CCDC178: variants seen among roughly 807,000 people sequenced by gnomAD.
CCDC178 encodes coiled-coil domain-containing protein 178.
In CCDC178, 126 loss-of-function variants were observed where a neutral mutation model predicts 117.4. The observed-to-expected ratio is 1.07, with a 90% CI of 0.93 to 1.24. CCDC178 has a LOEUF of 1.24. Among genes scored for constraint, CCDC178 ranks in the 50% most tolerant of loss-of-function variants. The probability of loss-of-function intolerance (pLI) is 0.00; values close to 1 mark genes in which losing one functional copy is unlikely to be tolerated. For missense variants in CCDC178, 1,030 were observed against 986.9 expected (o/e 1.04, Z -0.59); for synonymous variants, 283 against 313.4 (o/e 0.90, Z 1.02).
At chr18:33,024,418 A>ACTGATGTCTC (rs1299182759) in intron 21 of CCDC178, among the ~76,000 whole-genome samples, 12 of 152,038 alleles carry the variant, frequency 7.9e-5, no homozygotes, top group African/African-American at 2.9e-4. Context: ...ATGCATCCAA[A>ACTGATGTCTC]TTTGTGCCTC....
chr18:33,083,928 C>G (rs866313230), intron 21 of CCDC178, among the ~76,000 whole-genome samples: 49 of 152,220 alleles, frequency 3.2e-4, no homozygotes, highest in African/African-American at 1.1e-3. Context: ...CACTCTAACG[C>G]ATTTGTGGTT....
rs377518109 is a variant in CCDC178 at position 33,397,146 on chromosome 18, T to C, written c.118+3A>G. On this transcript the variant is annotated splice_donor_region_variant and intron_variant, in intron 4 of 22. Transcript: ENST00000383096. ...AAAATTATATATAATAGCTGTTGGA[T>C]ACCTTCATTTGTCCTTGACCATGCC... 23 of 1,576,816 alleles carry C rather than the reference T, an allele frequency of 1.5e-5. No homozygotes were observed. In the African/African-American group the frequency reaches 2.3e-4, roughly 16 times the overall value.
chr18:32,994,353 G>A (rs1242189258), intron 21 of CCDC178, among the ~76,000 whole-genome samples: 1 of 152,146 alleles, frequency 6.6e-6, no homozygotes, highest in African/African-American at 2.4e-5. Context: ...GGATAATGCA[G>A]AGACAAAAGT....
chr18:33,138,440 G>C (rs938869786), intron 20 of CCDC178, among the ~76,000 whole-genome samples: 39 of 152,230 alleles, frequency 2.6e-4, no homozygotes, highest in African/African-American at 8.2e-4. Flanking sequence ...CTTTTCGTCA[G>C]TGCCGCCTCC....
chr18:33,119,510 G>A (rs1598902718), intron 20 of CCDC178, among the ~76,000 whole-genome samples: 1 of 152,066 alleles, frequency 6.6e-6, no homozygotes, highest in Non-Finnish European at 1.5e-5. Flanking sequence ...AGTTACAATG[G>A]CGATCATTAA....
Position 33,266,933 on chromosome 18 carries a change from T to C in CCDC178, c.1392A>G (p.Thr464=). The change falls in exon 14 of 23, where the codon ACA becomes ACG. Residue 464 remains threonine, a synonymous_variant. Coordinates refer to ENST00000383096, the MANE Select transcript of CCDC178 (RefSeq NM_001105528.4). ...KKLEIDINKI[T]VKTNESIRKK... ...AAATTTACCTTTCATTGGTTTTTAC[T>C]GTTATTTTGTTAATATCAATCTCAA... The C allele has an allele frequency of 6.3e-7, 1 of 1,578,098 alleles. No homozygotes were observed. The highest frequency in any genetic ancestry group is 8.6e-7 in the Non-Finnish European group (1 of 1,166,154).
At chr18:33,280,902 A>G (rs2060016825) in intron 12 of CCDC178, among the ~76,000 whole-genome samples, 1 of 152,164 alleles carries the variant, frequency 6.6e-6, no homozygotes, top group African/African-American at 2.4e-5. Flanking sequence ...GAATTGAACA[A>G]TGAGAACACA....
chr18:33,124,705 C>A (rs1187397853), intron 20 of CCDC178, among the ~76,000 whole-genome samples: 1 of 152,108 alleles, frequency 6.6e-6, no homozygotes, highest in Non-Finnish European at 1.5e-5. Context: ...AGTAATAATT[C>A]ATAATACGTG....
intron 21 of CCDC178, among the ~76,000 whole-genome samples, chr18:33,047,769 T>C (rs1473628476): frequency 6.6e-6 from 1 of 152,180 alleles, no homozygotes; most frequent in Non-Finnish European, 1.5e-5. Flanking sequence ...AAACTGGGTT[T>C]TGCCAATTTT....
chr18:33,132,984 A>G (rs1220087494), intron 20 of CCDC178, among the ~76,000 whole-genome samples: 1 of 151,834 alleles, frequency 6.6e-6, no homozygotes, highest in Non-Finnish European at 1.5e-5. Flanking sequence ...ACAAGATTCT[A>G]TTTTAAGTCT....
At chr18:33,315,691 G>C (rs1184774531) in intron 11 of CCDC178, among the ~76,000 whole-genome samples, 3 of 152,164 alleles carry the variant, frequency 2.0e-5, no homozygotes, top group Non-Finnish European at 4.4e-5. Context: ...CATTTTGACT[G>C]GGGGCTAGGA....
intron 22 of CCDC178, among the ~76,000 whole-genome samples, chr18:32,947,165 A>C (rs1207981853): frequency 6.6e-6 from 1 of 152,340 alleles, no homozygotes; most frequent in East Asian, 1.9e-4. Context: ...GGTATGTACA[A>C]CCAGGAACAT....
intron 5 of CCDC178, among the ~76,000 whole-genome samples, chr18:33,380,081 G>A (rs1165364304): frequency 6.6e-6 from 1 of 152,162 alleles, no homozygotes; most frequent in Non-Finnish European, 1.5e-5. Context: ...GTGGAGTGCA[G>A]AGGGTCCTGC....
In CCDC178 at chr18:33,223,142, C is replaced by A. The variant is rs2059258139; in HGVS notation, c.1896G>T (p.Lys632Asn). ...TTAATGCATCAAGGGTTTTCTTCCC[C>A]TTTTTTCGTAATTTTTTCTTTACTT... ...VGKVKKKLRKKGKKTLDALIE... is the reference protein window; with the variant it reads ...VGKVKKKLRKNGKKTLDALIE... The change falls in exon 18 of 23, where the codon AAG becomes AAT. Residue 632 changes from lysine (K) to asparagine (N), a missense_variant. Transcript: ENST00000383096. 5 of 1,606,282 alleles carry A rather than the reference C, an allele frequency of 3.1e-6. No homozygotes were observed. The East Asian group carries it at 1.1e-4, about 36-fold the overall frequency.
intron 2 of CCDC178, among the ~76,000 whole-genome samples, chr18:33,420,204 G>A (rs1479543345): frequency 2.0e-5 from 3 of 152,064 alleles, no homozygotes; most frequent in Non-Finnish European, 4.4e-5. Context: ...GAACAGAAAA[G>A]CAAATATCAC....
intron 21 of CCDC178, among the ~76,000 whole-genome samples, chr18:33,040,897 C>T (rs1371839818): frequency 1.3e-5 from 2 of 151,830 alleles, no homozygotes; most frequent in Non-Finnish European, 2.9e-5. Flanking sequence ...TAGTAGTGAG[C>T]ATCGAGTATA....
intron 21 of CCDC178, among the ~76,000 whole-genome samples, chr18:33,056,437 A>G (rs2056830974): frequency 6.6e-6 from 1 of 152,236 alleles, no homozygotes; most frequent in Non-Finnish European, 1.5e-5. Flanking sequence ...ACCAATTAGC[A>G]TTGGTGACAA....
intron 21 of CCDC178, among the ~76,000 whole-genome samples, chr18:33,045,720 G>A (rs1224108504): frequency 6.6e-6 from 1 of 152,060 alleles, no homozygotes; most frequent in Non-Finnish European, 1.5e-5. Context: ...CACTTACAAA[G>A]CCGAAGCATT....
intron 7 of CCDC178, 57 bp downstream of exon 7, chr18:33,356,267 G>T (rs1235349286): frequency 9.9e-6 from 14 of 1,420,818 alleles, no homozygotes; most frequent in South Asian, 1.3e-5. Flanking sequence ...TATAGCAGAT[G>T]ATTGAAATTT....
Sources: allele counts gnomAD v4.1 joint callset (sites outside exome capture counted in the v4.1 genomes callset), GRCh38; gene constraint gnomAD v4.1.1; transcripts MANE v1.5; gene names NCBI Gene and HGNC (gene_info 2026-07-23, HGNC 2026-07-21).